The following IVNS1ABP variants were observed in gnomAD, a reference collection of about 807,000 sequenced individuals.
IVNS1ABP encodes influenza virus NS1A-binding protein.
IVNS1ABP carries 25 observed loss-of-function variants against 78.9 expected under a neutral mutation model. The observed-to-expected ratio is 0.32, with a 90% CI of 0.23 to 0.44. The LOEUF is 0.44. Ranked by LOEUF, IVNS1ABP falls within the 20% of genes least tolerant of loss-of-function variation. The probability of loss-of-function intolerance (pLI) is 1.00; values close to 1 mark genes in which losing one functional copy is unlikely to be tolerated. For synonymous variants in IVNS1ABP, 241 were observed against 259.7 expected (o/e 0.93, Z 0.69); for missense variants, 494 against 768.9 (o/e 0.64, Z 4.23).
At chr1:185,307,742 T>G (rs1665776180) in intron 5 of IVNS1ABP, 80 bp from the exon 6 acceptor site, 8 of 1,392,826 alleles carry the variant, frequency 5.7e-6, no homozygotes, top group Non-Finnish European at 7.9e-6. Flanking sequence ...TGGTAAAGAC[T>G]ATGTGAAGAT....
intron 3 of IVNS1ABP, 22 bp from the exon 4 acceptor site, chr1:185,309,194 ATTAT>A: frequency 6.5e-7 from 1 of 1,530,054 alleles, no homozygotes; most frequent in Non-Finnish European, 8.8e-7. Context: ...AAGAATTATA[ATTAT>A]AAGTATTGTG....
At position 185,297,922 on chromosome 1, in the gene IVNS1ABP, T is replaced by C. The variant is rs1665461752; in HGVS notation, c.*113A>G. The C allele has an allele frequency of 3.0e-6, 3 of 999,600 alleles. No homozygotes were observed. The Admixed American group carries it at 6.9e-5, about 23-fold the overall frequency. 61.9% of individuals were successfully genotyped at this position (999,600 alleles called of 1,614,324 possible). On this transcript the variant is annotated 3_prime_UTR_variant, in exon 15 of 15. Transcript: ENST00000367498. ...TAATAGTATGCAATATGCAAAAGCTTTGTGTTGCTGTTAGCAACATCTATA... is the reference window on the plus strand; with the variant it reads ...TAATAGTATGCAATATGCAAAAGCTCTGTGTTGCTGTTAGCAACATCTATA...
At chr1:185,302,204 ACAAC>A (rs138266652) in intron 8 of IVNS1ABP, among the ~76,000 whole-genome samples, 146 of 152,304 alleles carry the variant, frequency 9.6e-4, no homozygotes, top group African/African-American at 3.5e-3. Flanking sequence ...ATTACTAAAA[ACAAC>A]CAAATATTCA....
intron 6 of IVNS1ABP, 73 bp downstream of exon 6, chr1:185,307,416 G>T: frequency 8.5e-7 from 1 of 1,172,958 alleles, no homozygotes; most frequent in African/African-American, 1.5e-5. Context: ...TTACTCACTT[G>T]CTTGAAACAC....
chr1:185,307,431 C>A, intron 6 of IVNS1ABP, 58 bp downstream of exon 6: 1 of 1,337,724 alleles, frequency 7.5e-7, no homozygotes, highest in Non-Finnish European at 1.0e-6. Flanking sequence ...AAACACAGAC[C>A]AAGATTCCAC....
chr1:185,309,352 T>A, intron 3 of IVNS1ABP, 31 bp downstream of exon 3: 1 of 1,441,758 alleles, frequency 6.9e-7, no homozygotes, highest in Non-Finnish European at 9.5e-7. Flanking sequence ...TAATAAAAAA[T>A]TCTATAAATT....
At position 185,305,574 on chromosome 1, in the gene IVNS1ABP, C is replaced by T; in HGVS notation, c.727G>A (p.Val243Met). 1.2e-6 allele frequency: 2 copies of T among 1,613,322 alleles called. No homozygotes were observed. The highest frequency in any genetic ancestry group is 1.7e-6 in the Non-Finnish European group (2 of 1,179,602). ...DGNLLDGQAEVFGSDDDHIQF... is the reference protein window; with the variant it reads ...DGNLLDGQAEMFGSDDDHIQF... ...ATGTGGTCATCATCACTGCCAAACA[C>T]CTCAGCCTGTCCATCTAGTAGGTTC... The change falls in exon 8 of 15, where the codon GTG becomes ATG. Residue 243 changes from valine (V) to methionine (M), a missense_variant. Coordinates refer to ENST00000367498, the MANE Select transcript of IVNS1ABP (RefSeq NM_006469.5). The surrounding 1 kb of genome is among the most constrained non-coding windows in gnomAD (Gnocchi z 4.0).
rs1665770976 is a variant in IVNS1ABP, at chr1:185,307,556, G to C, written c.464C>G (p.Ala155Gly). ...GDSRLLNKVDAYIQEHLLQIS... is the reference protein window; with the variant it reads ...GDSRLLNKVDGYIQEHLLQIS... ...TTGTAACAAATGCTCCTGAATATAA[G>C]CATCAACCTTATTCAACAAACGGGA... The change falls in exon 6 of 15, where the codon GCT becomes GGT. Residue 155 changes from alanine (A) to glycine (G), a missense_variant. By Grantham distance (60) the Ala-to-Gly change is moderately conservative (BLOSUM62 0). Transcript: ENST00000367498. 5.0e-6 allele frequency: 8 copies of C among 1,613,454 alleles called. No homozygotes were observed. In the South Asian group the frequency reaches 8.8e-5, roughly 18 times the overall value.
intron 5 of IVNS1ABP, chr1:185,307,982 T>C (rs1665784333): frequency 6.5e-7 from 1 of 1,549,824 alleles, no homozygotes; most frequent in Non-Finnish European, 8.7e-7. Flanking sequence ...GGAGAGATGA[T>C]GTTGATGTTG....
chr1:185,314,354 C>G (rs1223539136), intron 1 of IVNS1ABP, among the ~76,000 whole-genome samples: 1 of 152,126 alleles, frequency 6.6e-6, no homozygotes, highest in African/African-American at 2.4e-5. Flanking sequence ...TATCATAACA[C>G]AATAGAAGTT....
chr1:185,315,480 G>A (rs1358753367), intron 1 of IVNS1ABP, among the ~76,000 whole-genome samples: 1 of 152,158 alleles, frequency 6.6e-6, no homozygotes, highest in Non-Finnish European at 1.5e-5. Flanking sequence ...AAAACACAGA[G>A]GAAAACCATT....
intron 2 of IVNS1ABP, 80 bp from the exon 3 acceptor site, chr1:185,309,591 C>T: frequency 1.4e-6 from 1 of 716,482 alleles, no homozygotes; most frequent in Non-Finnish European, 2.4e-6. Context: ...GTAATACAGT[C>T]TCTTTATTCT....
rs781008550 is a variant in IVNS1ABP at position 185,300,211 on chromosome 1, T to G, written c.1369+6A>C. On this transcript the variant is annotated splice_donor_region_variant and intron_variant, in intron 12 of 14. Coordinates refer to ENST00000367498, the MANE Select transcript of IVNS1ABP (RefSeq NM_006469.5). ...ACTGGATATCTCAGGAGAAAACTATTATTACCTGCATTACAACGGTTAGTT... is the reference window on the plus strand; with the variant it reads ...ACTGGATATCTCAGGAGAAAACTATGATTACCTGCATTACAACGGTTAGTT... 6.2e-6 allele frequency: 10 copies of G among 1,612,714 alleles called. No individual in the cohort carries two copies. Among genetic ancestry groups the G allele is most frequent in the Non-Finnish European group, 8.5e-6 (10 of 1,179,290 alleles).
In IVNS1ABP at chr1:185,299,863, A is replaced by C; in HGVS notation, c.1522T>G (p.Cys508Gly). Residue 508 changes from cysteine (C) to glycine (G), a missense_variant, in exon 14 of 15, where the codon TGT becomes GGT. Coordinates refer to ENST00000367498, the MANE Select transcript of IVNS1ABP (RefSeq NM_006469.5). Reference sequence around the variant, plus strand: ...ATGTACAAATAACCACCAAGCTCACAGACTGCAGACTGGTGTCTCCCTACA... The same window carrying C: ...ATGTACAAATAACCACCAAGCTCACCGACTGCAGACTGGTGTCTCCCTACA... ...LNIRRHQSAV[C>G]ELGGYLYIIG... The C allele has an allele frequency of 6.2e-7, 1 of 1,613,712 alleles. No individual in the cohort carries two copies. The highest frequency in any genetic ancestry group is 8.5e-7 in the Non-Finnish European group (1 of 1,179,792).
At chr1:185,307,426 C>G (rs568478090) in intron 6 of IVNS1ABP, 63 bp downstream of exon 6, 5 of 1,291,182 alleles carry the variant, frequency 3.9e-6, no homozygotes, top group Non-Finnish European at 4.3e-6. Flanking sequence ...GCTTGAAACA[C>G]AGACCAAGAT....
At chr1:185,313,174 A>G (rs1323447321) in intron 1 of IVNS1ABP, among the ~76,000 whole-genome samples, 1 of 152,210 alleles carries the variant, frequency 6.6e-6, no homozygotes, top group Non-Finnish European at 1.5e-5. Flanking sequence ...GCCCTTGGAG[A>G]AAACACTGGA....
At position 185,309,144 on chromosome 1, in the gene IVNS1ABP, C is replaced by G; in HGVS notation, c.140G>C (p.Arg47Thr). 1 of 1,602,386 alleles carries G rather than the reference C, an allele frequency of 6.2e-7. No individual in the cohort carries two copies. The highest frequency in any genetic ancestry group is 8.5e-7 in the Non-Finnish European group (1 of 1,176,048). ...QVCGHEMLAHRAVLACCSPYL... is the reference protein window; with the variant it reads ...QVCGHEMLAHTAVLACCSPYL... ...GGGACTGCAGCAAGCTAGCACTGCT[C>G]TGTGTGCTAACATTTCATGGCCACA... Residue 47 changes from arginine (R) to threonine (T), a missense_variant, in exon 4 of 15, where the codon AGA becomes ACA. Coordinates refer to ENST00000367498, the MANE Select transcript of IVNS1ABP (RefSeq NM_006469.5).
rs1276444620 is a variant in IVNS1ABP, at chr1:185,317,012, G to A, written c.-306C>T. 1 of 398,902 alleles carries A rather than the reference G, an allele frequency of 2.5e-6. No homozygotes were observed. Among genetic ancestry groups the A allele is most frequent in the South Asian group, 1.3e-4 (1 of 7,862 alleles). The allele number at this position is 398,902 out of a possible 1,614,324, so 24.7% of individuals were successfully genotyped here. On this transcript the variant is annotated 5_prime_UTR_variant, in exon 1 of 15. Coordinates refer to ENST00000367498, the MANE Select transcript of IVNS1ABP (RefSeq NM_006469.5). ...TCTAGAGCTTCGATGGGAAGCAGGA[G>A]GAAGCGGGCGGGAATCGGCCCAACG...
At chr1:185,301,643 C>T (rs1026199802) in intron 8 of IVNS1ABP, 80 bp from the exon 9 acceptor site, 18 of 1,481,594 alleles carry the variant, frequency 1.2e-5, no homozygotes, top group Non-Finnish European at 1.5e-5. Flanking sequence ...TATTCCACAA[C>T]ACTGAGTATC....
Sources: allele counts gnomAD v4.1 joint callset (sites outside exome capture counted in the v4.1 genomes callset), GRCh38; gene constraint gnomAD v4.1.1; non-coding constraint Gnocchi (gnomAD v3.1); transcripts MANE v1.5; gene names NCBI Gene and HGNC (gene_info 2026-07-23, HGNC 2026-07-21).